Variants in ZNF148 observed in about 807,000 individuals in gnomAD.
ZNF148 encodes the protein zinc finger protein 148, also known as Beta-Enolase Repressor Factor-1.
A neutral mutation model predicts 67.7 loss-of-function variants in ZNF148; 7 were observed. That is an observed-to-expected ratio of 0.10 (90% CI 0.06 to 0.19). ZNF148 has a LOEUF of 0.19. Ranked by LOEUF, ZNF148 falls within the 10% of genes least tolerant of loss-of-function variation. ZNF148 has a pLI of 1.00. For missense variants in ZNF148, 583 were observed against 947.1 expected, an observed-to-expected ratio of 0.62 and a Z score of 5.05; for synonymous variants, 333 against 330.7, an observed-to-expected ratio of 1.01 and a Z score of -0.08.
intron 4 of ZNF148, among the ~76,000 whole-genome samples, chr3:125,295,641 T>C (rs1485404776): frequency 6.6e-6 from 1 of 152,098 alleles, no homozygotes. Flanking sequence ...ATACTAACAG[T>C]GTGTGAGGTT....
At chr3:125,293,882 TGA>T (rs1349983718) in intron 4 of ZNF148, among the ~76,000 whole-genome samples, 1 of 152,096 alleles carries the variant, frequency 6.6e-6, no homozygotes, top group Non-Finnish European at 1.5e-5. Flanking sequence ...GGCAAAATTT[TGA>T]GAGAGAGGAT....
intron 4 of ZNF148, among the ~76,000 whole-genome samples, chr3:125,304,413 G>A (rs926039317): frequency 6.6e-6 from 1 of 152,140 alleles, no homozygotes; most frequent in Non-Finnish European, 1.5e-5. Flanking sequence ...GCCATAAGGA[G>A]GGGGTCTGCT....
chr3:125,361,832 C>CA (rs11383689), intron 1 of ZNF148, among the ~76,000 whole-genome samples: 113,618 of 146,936 alleles, frequency 0.77, 44,179 homozygotes, highest in African/African-American at 0.88. Context: ...GACCCTGTCT[C>CA]AAAAAAAAAA....
chr3:125,281,801 C>G (rs1938403104), intron 5 of ZNF148, among the ~76,000 whole-genome samples: 1 of 152,060 alleles, frequency 6.6e-6, no homozygotes, highest in African/African-American at 2.4e-5. Flanking sequence ...ACAGAAACAC[C>G]AAATTCTTGG....
At chr3:125,259,875 C>T (rs1017938569) in intron 7 of ZNF148, among the ~76,000 whole-genome samples, 12 of 152,178 alleles carry the variant, frequency 7.9e-5, no homozygotes, top group Admixed American at 7.9e-4. Flanking sequence ...ATCTTCCTCA[C>T]TAAGCTTAAT....
chr3:125,263,996 A>G (rs531041113), intron 7 of ZNF148, among the ~76,000 whole-genome samples: 95 of 152,214 alleles, frequency 6.2e-4, no homozygotes, highest in Non-Finnish European at 1.2e-3. Context: ...AAAAGCCCCT[A>G]AGTAATGAGG....
chr3:125,238,823 C>G (rs1936213862), intron 7 of ZNF148, among the ~76,000 whole-genome samples: 1 of 152,126 alleles, frequency 6.6e-6, no homozygotes, highest in Non-Finnish European at 1.5e-5. Flanking sequence ...ACACTGATCA[C>G]AGAATTATTC....
intron 1 of ZNF148, among the ~76,000 whole-genome samples, chr3:125,341,675 T>C (rs571578329): frequency 2.0e-5 from 3 of 151,902 alleles, no homozygotes; most frequent in Non-Finnish European, 4.4e-5. Flanking sequence ...AAAAGTACAA[T>C]AAATTTTTAA....
At chr3:125,255,812 A>T (rs1317014718) in intron 7 of ZNF148, among the ~76,000 whole-genome samples, 1 of 152,076 alleles carries the variant, frequency 6.6e-6, no homozygotes, top group African/African-American at 2.4e-5. Flanking sequence ...ATGAAAAAGC[A>T]GCCACTCTTC....
At chr3:125,342,789 G>T (rs1941785430) in intron 1 of ZNF148, among the ~76,000 whole-genome samples, 1 of 152,178 alleles carries the variant, frequency 6.6e-6, no homozygotes, top group Non-Finnish European at 1.5e-5. Context: ...GGAAACAAAA[G>T]TTATAACACC....
chr3:125,320,716 G>A (rs950155710), intron 3 of ZNF148, among the ~76,000 whole-genome samples: 2 of 152,076 alleles, frequency 1.3e-5, no homozygotes, highest in Non-Finnish European at 2.9e-5. Context: ...AATCTAAAAT[G>A]AAACTTCACT....
Position 125,279,258 on chromosome 3 carries a change from A to AAAT in ZNF148, c.460-12_460-11insATT. ...ATTTATTGTAAGGATCTAGTTCAAA[A>AAAT]AAAAAAAGGCAAAAACAAAAGAAAT... On this transcript the variant is annotated splice_polypyrimidine_tract_variant and intron_variant, in intron 5 of 8. Transcript: ENST00000360647. 6.6e-7 allele frequency: 1 copy of AAAT among 1,523,778 alleles called. No homozygotes were observed. 94.4% of individuals were successfully genotyped at this position (1,523,778 alleles called of 1,614,324 possible).
Position 125,231,381 on chromosome 3 carries a change from T to A in ZNF148, c.*960A>T, listed in dbSNP as rs1216921171. ...AAACCTAAAAATCTAATTTTTTTTT[T>A]ACTTTGAGAAATCAAAAATACCAAA... On this transcript the variant is annotated 3_prime_UTR_variant, in exon 9 of 9. Coordinates refer to ENST00000360647, the MANE Select transcript of ZNF148 (RefSeq NM_021964.3). 1 of 152,546 alleles carries A rather than the reference T, an allele frequency of 6.6e-6. No homozygotes were observed. Among genetic ancestry groups the A allele is most frequent in the Non-Finnish European group, 1.5e-5 (1 of 67,972 alleles). 9.4% of individuals were successfully genotyped at this position (152,546 alleles called of 1,614,324 possible).
In ZNF148 at chr3:125,259,063, A is replaced by C. The variant is rs530031430; in HGVS notation, c.667+18663T>G. Among the ~76,000 whole-genome samples the C allele has an allele frequency of 2.0e-5, 3 of 152,334 alleles. No individual in the cohort carries two copies. In the South Asian group the frequency reaches 6.2e-4, roughly 32 times the overall value. ...TGATGTTATATCTTGGAAAGTACTA[A>C]GAGGCCTTTTGAGAAAAAAATACTT... On this transcript the variant is annotated intron_variant, in intron 7 of 8. Transcript: ENST00000360647.
intron 7 of ZNF148, among the ~76,000 whole-genome samples, chr3:125,246,794 T>G (rs1936619731): frequency 6.6e-6 from 1 of 152,130 alleles, no homozygotes; most frequent in Middle Eastern, 3.2e-3. Flanking sequence ...ACAATAAACT[T>G]GAGAAAAGGT....
chr3:125,274,233 A>C (rs553925906), intron 7 of ZNF148, among the ~76,000 whole-genome samples: 1 of 152,356 alleles, frequency 6.6e-6, no homozygotes, highest in African/African-American at 2.4e-5. Context: ...GGCCCTAAAC[A>C]AAATGATCAA....
intron 4 of ZNF148, among the ~76,000 whole-genome samples, chr3:125,299,479 A>T (rs1264511153): frequency 1.3e-5 from 2 of 152,232 alleles, no homozygotes; most frequent in East Asian, 3.8e-4. Context: ...AGCCTGGGCA[A>T]CCTAGCAAGT....
At chr3:125,318,466 T>C (rs1226904331) in intron 3 of ZNF148, among the ~76,000 whole-genome samples, 1 of 151,814 alleles carries the variant, frequency 6.6e-6, no homozygotes, top group Non-Finnish European at 1.5e-5. Context: ...AATGCTTCCT[T>C]TAAATCTTAT....
At chr3:125,304,950 C>T (rs900950809) in intron 4 of ZNF148, among the ~76,000 whole-genome samples, 2 of 152,154 alleles carry the variant, frequency 1.3e-5, no homozygotes, top group African/African-American at 4.8e-5. Flanking sequence ...AAGTACTCAA[C>T]GACTGACGAG....
Sources: allele counts gnomAD v4.1 joint callset (sites outside exome capture counted in the v4.1 genomes callset), GRCh38; gene constraint gnomAD v4.1.1; transcripts MANE v1.5; gene names NCBI Gene and HGNC (gene_info 2026-07-23, HGNC 2026-07-21).